CA2: variants seen among roughly 807,000 people sequenced by gnomAD.
CA2 encodes the protein carbonic anhydrase 2.
A neutral mutation model predicts 27.8 loss-of-function variants in CA2; 23 were observed. The ratio of observed to expected loss-of-function variants is 0.83; its 90% confidence interval spans 0.59 to 1.17. The LOEUF (loss-of-function observed/expected upper bound fraction) is 1.17. Ranked by LOEUF, CA2 falls within the 50% of genes most tolerant of loss-of-function variation. The probability of loss-of-function intolerance (pLI) is 0.00; values close to 1 mark genes in which losing one functional copy is unlikely to be tolerated. For synonymous variants in CA2, 99 were observed against 114.9 expected (o/e 0.86, Z 0.88); for missense variants, 300 against 314.7 (o/e 0.95, Z 0.35).
chr8:85,472,478 T>TAGCC (rs2130555704), intron 2 of CA2, among the ~76,000 whole-genome samples: 1 of 152,330 alleles, frequency 6.6e-6, no homozygotes, highest in Admixed American at 6.5e-5. Context: ...AGATAGTTTG[T>TAGCC]AGCCGATGGA....
At chr8:85,469,589 G>C (rs1325283925) in intron 2 of CA2, among the ~76,000 whole-genome samples, 1 of 152,094 alleles carries the variant, frequency 6.6e-6, no homozygotes, top group Non-Finnish European at 1.5e-5. Context: ...CCCTGCTTGA[G>C]ATGTTTTATT....
chr8:85,464,939 T>A (rs990914282), intron 1 of CA2: 1 of 283,040 alleles, frequency 3.5e-6, no homozygotes. Flanking sequence ...CCACAAGCCC[T>A]GACATTAGTG....
intron 2 of CA2, 47 bp from the exon 3 acceptor site, chr8:85,473,646 C>A (rs1401046759): frequency 1.1e-6 from 1 of 873,574 alleles, no homozygotes; most frequent in Non-Finnish European, 1.9e-6. Flanking sequence ...TATGTGTATG[C>A]AGATACATAC....
At chr8:85,465,727 G>GA (rs34728358) in intron 2 of CA2, among the ~76,000 whole-genome samples, 1 of 152,148 alleles carries the variant, frequency 6.6e-6, no homozygotes, top group African/African-American at 2.4e-5. Flanking sequence ...ATATGCCTGT[G>GA]AAAAATCACA....
chr8:85,479,055 G>C (rs1056480876), intron 6 of CA2, among the ~76,000 whole-genome samples: 4 of 152,144 alleles, frequency 2.6e-5, no homozygotes, highest in Non-Finnish European at 4.4e-5. Context: ...AGACCTGCAG[G>C]TTTACCCCAC....
At position 85,465,324 on chromosome 8, in the gene CA2, C is replaced by T. The variant is rs777914836; in HGVS notation, c.87C>T (p.Ser29=). 21 of 1,614,026 alleles carry T rather than the reference C, an allele frequency of 1.3e-5. No homozygotes were observed. The highest frequency in any genetic ancestry group is 1.8e-5 in the Non-Finnish European group (21 of 1,180,020). Residue 29 remains serine, a synonymous_variant, in exon 2 of 7, where the codon TCC becomes TCT. Coordinates refer to ENST00000285379, the MANE Select transcript of CA2 (RefSeq NM_000067.3). The stretch of plus-strand genomic sequence containing the variant: ...CCATTGCCAAGGGAGAGCGCCAGTC[C>T]CCTGTTGACATCGACACTCATACAG... The part of the protein sequence containing the change: ...DFPIAKGERQ[S]PVDIDTHTAK...
chr8:85,469,122 GTTAT>G (rs1284429819), intron 2 of CA2, among the ~76,000 whole-genome samples: 1 of 152,048 alleles, frequency 6.6e-6, no homozygotes, highest in Non-Finnish European at 1.5e-5. Flanking sequence ...AAGTCAAAAA[GTTAT>G]TTATTTTAGT....
At chr8:85,465,992 C>T (rs1158571864) in intron 2 of CA2, among the ~76,000 whole-genome samples, 1 of 151,968 alleles carries the variant, frequency 6.6e-6, no homozygotes, top group Non-Finnish European at 1.5e-5. Flanking sequence ...AAGATGGCAG[C>T]ATGTTTTGAT....
chr8:85,480,637 C>CATTAATT (rs750189624), intron 6 of CA2, 33 bp from the exon 7 acceptor site: 1 of 1,599,348 alleles, frequency 6.3e-7, no homozygotes, highest in Admixed American at 1.7e-5. Flanking sequence ...CATTGTGAAA[C>CATTAATT]ATTAATTATC....
intron 2 of CA2, among the ~76,000 whole-genome samples, chr8:85,466,114 A>G (rs1811625243): frequency 7.2e-6 from 1 of 139,684 alleles, no homozygotes; most frequent in African/African-American, 2.7e-5. Context: ...AGCTGTTTAC[A>G]GGATGCTCAC....
intron 5 of CA2, 98 bp downstream of exon 5, chr8:85,475,958 C>CA: frequency 1.1e-6 from 1 of 920,148 alleles, no homozygotes; most frequent in Non-Finnish European, 1.8e-6. Flanking sequence ...GTCTCAATGA[C>CA]ATGTGGTGTT....
At position 85,465,255 on chromosome 8, in the gene CA2, T is replaced by G. The variant is rs747255381; in HGVS notation, c.35-17T>G. The G allele has an allele frequency of 6.2e-7, 1 of 1,604,608 alleles. No homozygotes were observed. Among genetic ancestry groups the G allele is most frequent in the South Asian group, 1.1e-5 (1 of 90,860 alleles). The stretch of plus-strand genomic sequence containing the variant: ...CTTTCCCCACAATGGGGGATTCACA[T>G]GTCTTCTTTCCCCCAGGACCTGAGC... On this transcript the variant is annotated splice_polypyrimidine_tract_variant and intron_variant, in intron 1 of 6. Transcript: ENST00000285379.
intron 6 of CA2, 26 bp from the exon 7 acceptor site, chr8:85,480,644 T>C: frequency 6.3e-7 from 1 of 1,598,154 alleles, no homozygotes; most frequent in Non-Finnish European, 8.6e-7. Context: ...AAACATTAAT[T>C]ATCAATGTTT....
rs566791706 is a variant in CA2, at chr8:85,481,056, C to A, written c.*267C>A. 1.9e-5 allele frequency: 8 copies of A among 420,124 alleles called. No individual in the cohort carries two copies. Among genetic ancestry groups the A allele is most frequent in the African/African-American group, 8.1e-5 (4 of 49,382 alleles). The allele number at this position is 420,124 out of a possible 1,614,324, so 26.0% of individuals were successfully genotyped here. A position where few individuals can be genotyped will look rare whatever the true frequency, so the allele number is the denominator to read the frequency against. On this transcript the variant is annotated 3_prime_UTR_variant, in exon 7 of 7. Coordinates refer to ENST00000285379, the MANE Select transcript of CA2 (RefSeq NM_000067.3). ...TAGGATAAGAAATAAGAATAAAGTA[C>A]CTTGACTTTGTTCACAGCATGTAGG...
At chr8:85,472,833 A>G (rs1170157451) in intron 2 of CA2, among the ~76,000 whole-genome samples, 2 of 151,826 alleles carry the variant, frequency 1.3e-5, no homozygotes, top group Admixed American at 1.3e-4. Context: ...TCTACTAAAA[A>G]TACAAAAATT....
At chr8:85,475,974 G>A in intron 5 of CA2, 114 bp downstream of exon 5, 1 of 807,176 alleles carries the variant, frequency 1.2e-6, no homozygotes, top group South Asian at 1.4e-5. Context: ...GTGTTTGGAT[G>A]AGCAGTTAGT....
chr8:85,477,253 C>A lies in CA2; in HGVS notation c.641C>A (p.Pro214His), dbSNP rs769488118. The change falls in exon 6 of 7, where the codon CCC (proline) becomes CAC (histidine). Residue 214 changes from proline to histidine, a missense_variant. Transcript: ENST00000285379. ...GTGACCTGGATTGTGCTCAAGGAAC[C>A]CATCAGCGTCAGCAGCGAGCAGGTT... ...ECVTWIVLKEPISVSSEQVLK... is the reference protein window; with the variant it reads ...ECVTWIVLKEHISVSSEQVLK... 22 of 1,614,044 alleles carry A rather than the reference C, an allele frequency of 1.4e-5. No individual in the cohort carries two copies. The highest frequency in any genetic ancestry group is 1.7e-5 in the Non-Finnish European group (20 of 1,179,958).
At chr8:85,472,614 A>G (rs1376404450) in intron 2 of CA2, among the ~76,000 whole-genome samples, 1 of 152,220 alleles carries the variant, frequency 6.6e-6, no homozygotes, top group East Asian at 1.9e-4. Flanking sequence ...CACTGCATAT[A>G]GAAGATGATC....
At chr8:85,468,436 G>T (rs1350212536) in intron 2 of CA2, among the ~76,000 whole-genome samples, 3 of 152,158 alleles carry the variant, frequency 2.0e-5, no homozygotes, top group Non-Finnish European at 2.9e-5. Context: ...TAAGAGAAAA[G>T]ACATCTACAG....
Sources: allele counts gnomAD v4.1 joint callset (sites outside exome capture counted in the v4.1 genomes callset), GRCh38; gene constraint gnomAD v4.1.1; transcripts MANE v1.5; gene names NCBI Gene and HGNC (gene_info 2026-07-23, HGNC 2026-07-21).